Variants in SLC39A11 observed in about 807,000 individuals in gnomAD.
The protein encoded by SLC39A11 is solute carrier family 39 member 11, also known as zinc transporter ZIP11.
In SLC39A11, 33 loss-of-function variants were observed where a neutral mutation model predicts 36.1. The ratio of observed to expected loss-of-function variants is 0.91; its 90% CI spans 0.69 to 1.22. The LOEUF is 1.22. SLC39A11 is among the 50% of genes most tolerant of loss of function. The probability of loss-of-function intolerance (pLI) is 0.00; values close to 1 mark genes in which losing one functional copy is unlikely to be tolerated. For missense variants in SLC39A11, 432 were observed against 430.3 expected (o/e 1.00, Z -0.03); for synonymous variants, 166 against 170.3 (o/e 0.97, Z 0.20).
intron 4 of SLC39A11, among the ~76,000 whole-genome samples, chr17:73,016,149 G>A (rs1056214338): frequency 2.0e-5 from 3 of 152,048 alleles, no homozygotes; most frequent in African/African-American, 7.2e-5. Context: ...TACAGTACTA[G>A]ATATGACAAT....
chr17:73,033,004 G>A (rs2058787358), intron 3 of SLC39A11, among the ~76,000 whole-genome samples: 1 of 152,218 alleles, frequency 6.6e-6, no homozygotes, highest in Non-Finnish European at 1.5e-5. Flanking sequence ...TTTCATGGAA[G>A]ACCATCTTTC....
At chr17:73,054,355 A>G (rs2059601995) in intron 3 of SLC39A11, among the ~76,000 whole-genome samples, 1 of 150,370 alleles carries the variant, frequency 6.7e-6, no homozygotes, top group African/African-American at 2.5e-5. Context: ...CCAAGACTCC[A>G]TCTCGAAAAA....
At chr17:72,863,550 C>T (rs558042237) in intron 5 of SLC39A11, among the ~76,000 whole-genome samples, 2 of 152,272 alleles carry the variant, frequency 1.3e-5, no homozygotes, top group East Asian at 1.9e-4. Flanking sequence ...CCGCCTGTCA[C>T]GTTTTCTTGA....
intron 6 of SLC39A11, among the ~76,000 whole-genome samples, chr17:72,741,554 C>A (rs2074705186): frequency 6.6e-6 from 1 of 152,162 alleles, no homozygotes; most frequent in African/African-American, 2.4e-5. Flanking sequence ...GGCCACCAGT[C>A]CCCCATTTCC....
At chr17:73,050,346 C>G (rs1420045440) in intron 3 of SLC39A11, among the ~76,000 whole-genome samples, 1 of 119,718 alleles carries the variant, frequency 8.4e-6, no homozygotes, top group African/African-American at 3.0e-5. Flanking sequence ...AAAAAAAAGA[C>G]CTTGGCAGAA....
intron 4 of SLC39A11, among the ~76,000 whole-genome samples, chr17:73,027,114 C>G (rs192735920): frequency 3.9e-5 from 6 of 152,224 alleles, no homozygotes; most frequent in Admixed American, 3.3e-4. Flanking sequence ...AGAGCAAGAC[C>G]CTGTCTCAAA....
chr17:72,987,979 A>C (rs563831231), intron 4 of SLC39A11, among the ~76,000 whole-genome samples: 2 of 152,330 alleles, frequency 1.3e-5, no homozygotes, highest in African/African-American at 4.8e-5. Context: ...GCCACGTAAA[A>C]GTCAGCTCTC....
intron 3 of SLC39A11, among the ~76,000 whole-genome samples, chr17:73,062,475 A>AACAAAAAAAAAAAAAAAAAAAAAAC (rs1555698614): frequency 2.3e-5 from 2 of 87,034 alleles, no homozygotes; most frequent in African/African-American, 4.6e-5. Context: ...AAAAAAAAAA[A>AACAAAAAAAAAAAAAAAAAAAAAAC]AAACTTTAGG....
chr17:72,922,303 C>A (rs2147271872), intron 5 of SLC39A11, among the ~76,000 whole-genome samples: 1 of 152,344 alleles, frequency 6.6e-6, no homozygotes, highest in African/African-American at 2.4e-5. Flanking sequence ...CTTTCACCTA[C>A]TTTATAGCTC....
At chr17:72,700,693 G>C (rs533944621) in intron 7 of SLC39A11, among the ~76,000 whole-genome samples, 133 of 152,368 alleles carry the variant, frequency 8.7e-4, no homozygotes, top group African/African-American at 3.1e-3. Context: ...ATGTACAAAA[G>C]AAAGAGATTT....
chr17:72,763,211 C>G (rs2075649832), intron 6 of SLC39A11, among the ~76,000 whole-genome samples: 1 of 152,144 alleles, frequency 6.6e-6, no homozygotes, highest in African/African-American at 2.4e-5. Context: ...CCAAATGAAA[C>G]CAATGTTCTA....
chr17:73,059,754 G>A (rs552249561), intron 3 of SLC39A11, among the ~76,000 whole-genome samples: 1 of 151,902 alleles, frequency 6.6e-6, no homozygotes, highest in African/African-American at 2.4e-5. Flanking sequence ...TATGAAATAT[G>A]TGTCTTTGTT....
At chr17:72,746,201 A>G (rs562641491) in intron 6 of SLC39A11, among the ~76,000 whole-genome samples, 19 of 152,316 alleles carry the variant, frequency 1.2e-4, no homozygotes, top group African/African-American at 3.6e-4. Context: ...AGGTAGCCTC[A>G]TAACATCCCT....
chr17:72,676,919 C>T (rs1039870975), intron 7 of SLC39A11, among the ~76,000 whole-genome samples: 1 of 152,144 alleles, frequency 6.6e-6, no homozygotes, highest in Admixed American at 6.5e-5. Context: ...TGGTGTAACT[C>T]CCCTGGAAGA....
intron 3 of SLC39A11, among the ~76,000 whole-genome samples, chr17:73,044,655 C>G (rs1432631652): frequency 1.3e-5 from 2 of 152,214 alleles, no homozygotes; most frequent in South Asian, 2.1e-4. Context: ...AGGTGGATCA[C>G]TTGAGGCCAG....
chr17:72,916,743 T>C (rs2083356096), intron 5 of SLC39A11, among the ~76,000 whole-genome samples: 1 of 152,148 alleles, frequency 6.6e-6, no homozygotes, highest in African/African-American at 2.4e-5. Flanking sequence ...ATATACCCTA[T>C]TCCTCTTTAC....
chr17:72,829,448 G>A, intron 6 of SLC39A11, among the ~76,000 whole-genome samples: 1 of 152,114 alleles, frequency 6.6e-6, no homozygotes, highest in Non-Finnish European at 1.5e-5. Context: ...GTGGGATTTG[G>A]TGACCAACTA....
chr17:72,715,579 G>A (rs935941633), intron 7 of SLC39A11, among the ~76,000 whole-genome samples: 6 of 152,226 alleles, frequency 3.9e-5, no homozygotes, highest in African/African-American at 1.4e-4. Flanking sequence ...CTTCTATGAG[G>A]TCCCTAGAGG....
intron 6 of SLC39A11, among the ~76,000 whole-genome samples, chr17:72,781,402 TG>T (rs1339381174): frequency 6.6e-6 from 1 of 151,654 alleles, no homozygotes; most frequent in Admixed American, 6.6e-5. Flanking sequence ...TGTCTTATTT[TG>T]TTTCTTTTGG....
Sources: gnomAD v4.1 joint callset for allele counts (sites outside exome capture counted in the v4.1 genomes callset) on GRCh38, gnomAD v4.1.1 for gene constraint, MANE v1.5 for transcripts, NCBI Gene and HGNC (gene_info 2026-07-23, HGNC 2026-07-21) for gene names.